SUPT3H: variants seen among roughly 807,000 people sequenced by gnomAD.
The protein encoded by SUPT3H is SPT3 homolog, SAGA and STAGA complex component.
Under a neutral mutation model 44.3 loss-of-function variants are expected in SUPT3H, and 44 were observed. That is an observed-to-expected ratio of 0.99 (90% confidence interval 0.78 to 1.28). The LOEUF (loss-of-function observed/expected upper bound fraction) is 1.28, where lower values mean the gene tolerates loss of function less well. Among genes scored for constraint, SUPT3H ranks in the 50% most tolerant of loss-of-function variants. The pLI is 0.00. For missense variants in SUPT3H, 380 were observed against 387.1 expected (o/e 0.98, Z 0.15); for synonymous variants, 124 against 125.6 (o/e 0.99, Z 0.09).
chr6:44,889,732 C>T (rs1582258475), intron 10 of SUPT3H, among the ~76,000 whole-genome samples: 1 of 152,140 alleles, frequency 6.6e-6, no homozygotes, highest in Non-Finnish European at 1.5e-5. Flanking sequence ...ACACCAAAAG[C>T]AATGGCAACC....
At chr6:44,919,952 C>A (rs1768405097) in intron 10 of SUPT3H, among the ~76,000 whole-genome samples, 1 of 152,084 alleles carries the variant, frequency 6.6e-6, no homozygotes, top group Non-Finnish European at 1.5e-5. Flanking sequence ...GATCTCAGCT[C>A]ACCACGACCT....
chr6:45,206,373 G>C (rs1277015615), intron 2 of SUPT3H, among the ~76,000 whole-genome samples: 1 of 152,068 alleles, frequency 6.6e-6, no homozygotes, highest in Admixed American at 6.6e-5. Context: ...ATGAGGAAGA[G>C]AGTAAGAAGA....
chr6:45,158,298 A>ATATATATATATATTTTTTT, intron 2 of SUPT3H, among the ~76,000 whole-genome samples: 1 of 99,694 alleles, frequency 1.0e-5, no homozygotes, highest in African/African-American at 5.0e-5. Flanking sequence ...ATATATATAT[A>ATATATATATATATTTTTTT]TTTTTTTTTT....
At chr6:44,974,321 G>GTGTGTT (rs71783921) in intron 6 of SUPT3H, among the ~76,000 whole-genome samples, 2 of 151,850 alleles carry the variant, frequency 1.3e-5, no homozygotes, top group East Asian at 3.9e-4. Flanking sequence ...TATAAATTGT[G>GTGTGTT]TGTGTTTGTG....
At chr6:44,844,635 C>T (rs1771567089) in intron 10 of SUPT3H, among the ~76,000 whole-genome samples, 1 of 152,078 alleles carries the variant, frequency 6.6e-6, no homozygotes, top group African/African-American at 2.4e-5. Flanking sequence ...AGAAGTCAGA[C>T]TCAAAGGGGT....
Position 44,819,413 on chromosome 6 carries a change from G to A in SUPT3H, c.*53-9912C>T, listed in dbSNP as rs148321345. On this transcript the variant is annotated intron_variant and NMD_transcript_variant, in intron 11 of 11. Transcript: ENST00000475057. The stretch of plus-strand genomic sequence containing the variant: ...ATGGTGATTACACAACTGTTCATTT[G>A]TCAGAAGTCACTAAATTGTGCTGTA... 3.2e-3 allele frequency among the ~76,000 whole-genome samples: 485 copies of A among 151,798 alleles called. 1 individual carries two copies. The highest frequency in any genetic ancestry group is 0.011 in the African/African-American group (460 of 41,356).
At chr6:44,900,649 CT>C (rs1305698406) in intron 10 of SUPT3H, among the ~76,000 whole-genome samples, 15 of 152,172 alleles carry the variant, frequency 9.9e-5, no homozygotes. Flanking sequence ...TTAAATGCCC[CT>C]GTCTGACAGC....
rs182944506 is a variant in SUPT3H, at chr6:45,306,710, G to A, written c.101+58491C>T. 2.2e-3 allele frequency among the ~76,000 whole-genome samples: 330 copies of A among 152,316 alleles called. 1 individual carries two copies. The highest frequency in any genetic ancestry group is 7.5e-3 in the African/African-American group (310 of 41,576). On this transcript the variant is annotated intron_variant, in intron 2 of 10. Transcript: ENST00000371459. ...CCAGTCTACAGCTCCCAGCATGAGCGACACAGAAGACGGGTGATTTCTGCA... is the reference window on the plus strand; with the variant it reads ...CCAGTCTACAGCTCCCAGCATGAGCAACACAGAAGACGGGTGATTTCTGCA...
intron 3 of SUPT3H, among the ~76,000 whole-genome samples, chr6:45,068,369 C>G (rs1391183202): frequency 7.2e-6 from 1 of 139,008 alleles, no homozygotes; most frequent in African/African-American, 2.7e-5. Context: ...TGCTAGATGA[C>G]GAGTTAGTGG....
chr6:44,905,263 T>C (rs1451018796), intron 10 of SUPT3H, among the ~76,000 whole-genome samples: 2 of 152,110 alleles, frequency 1.3e-5, no homozygotes, highest in African/African-American at 2.4e-5. Context: ...ATTTTTGCAA[T>C]CTACTCATCT....
intron 2 of SUPT3H, among the ~76,000 whole-genome samples, chr6:45,234,921 G>A (rs893362928): frequency 1.3e-5 from 2 of 152,022 alleles, no homozygotes; most frequent in African/African-American, 2.4e-5. Context: ...GATACAAAAC[G>A]CTTCTTAATA....
chr6:45,219,776 CA>C, intron 2 of SUPT3H, among the ~76,000 whole-genome samples: 1 of 152,148 alleles, frequency 6.6e-6, no homozygotes, highest in South Asian at 2.1e-4. Flanking sequence ...CGCAGCAGCT[CA>C]CGCCTGTAAT....
chr6:44,845,394 C>G (rs1372970459), intron 10 of SUPT3H, among the ~76,000 whole-genome samples: 1 of 152,166 alleles, frequency 6.6e-6, no homozygotes, highest in Non-Finnish European at 1.5e-5. Flanking sequence ...AATTCTAATT[C>G]TGAAGAACTG....
chr6:45,042,543 G>A (rs1189661247), intron 3 of SUPT3H, among the ~76,000 whole-genome samples: 1 of 152,190 alleles, frequency 6.6e-6, no homozygotes, highest in African/African-American at 2.4e-5. Context: ...TATCATAAGG[G>A]AAAATTAGTT....
chr6:44,870,672 A>G (rs472672), intron 10 of SUPT3H, among the ~76,000 whole-genome samples: 58,044 of 149,436 alleles, frequency 0.39, 12,271 homozygotes, highest in Non-Finnish European at 0.48. Flanking sequence ...GAACAGCTCC[A>G]GTCTACAGCT....
intron 2 of SUPT3H, among the ~76,000 whole-genome samples, chr6:45,248,577 G>A (rs1441076937): frequency 1.3e-5 from 2 of 152,108 alleles, no homozygotes; most frequent in Admixed American, 1.3e-4. Flanking sequence ...CAAAAAAAGA[G>A]AAAAAACTGG....
intron 2 of SUPT3H, among the ~76,000 whole-genome samples, chr6:45,174,488 C>T (rs939413291): frequency 4.6e-5 from 7 of 152,042 alleles, no homozygotes; most frequent in South Asian, 2.1e-4. Flanking sequence ...ACAGACCATG[C>T]GGCAGGTTAA....
At chr6:45,216,028 T>C (rs1173205168) in intron 2 of SUPT3H, among the ~76,000 whole-genome samples, 1 of 152,060 alleles carries the variant, frequency 6.6e-6, no homozygotes, top group Non-Finnish European at 1.5e-5. Context: ...TTGAAAGCGA[T>C]GAAAAGTGTG....
chr6:44,870,109 G>C (rs1776129401), intron 10 of SUPT3H, among the ~76,000 whole-genome samples: 1 of 151,992 alleles, frequency 6.6e-6, no homozygotes. Flanking sequence ...TCCCAACCTG[G>C]TCCTTTTTAG....
Sources: allele counts gnomAD v4.1 joint callset (sites outside exome capture counted in the v4.1 genomes callset), GRCh38; gene constraint gnomAD v4.1.1; transcripts MANE v1.5; gene names NCBI Gene and HGNC (gene_info 2026-07-23, HGNC 2026-07-21).